CTNNA3: variants seen among roughly 807,000 people sequenced by gnomAD.
The protein encoded by CTNNA3 is catenin alpha-3.
CTNNA3 carries 76 observed loss-of-function variants against 95.7 expected under a neutral mutation model. That is an observed-to-expected ratio of 0.79 (90% confidence interval 0.66 to 0.96). CTNNA3 has a LOEUF of 0.96. CTNNA3 is among the 40% of genes least tolerant of loss of function. The probability of loss-of-function intolerance (pLI) is 0.00; values close to 1 mark genes in which losing one functional copy is unlikely to be tolerated. For synonymous variants in CTNNA3, 431 were observed against 374.4 expected (o/e 1.15, Z -1.74); for missense variants, 1,191 against 1,089.8 (o/e 1.09, Z -1.31).
intron 5 of CTNNA3, among the ~76,000 whole-genome samples, chr10:67,433,746 T>A (rs1846204745): frequency 6.6e-6 from 1 of 152,068 alleles, no homozygotes; most frequent in African/African-American, 2.4e-5. Flanking sequence ...AACAAGTGAA[T>A]AAACAAGTGA....
At chr10:66,154,719 CATATATATATATAT>C (rs569694429) in intron 13 of CTNNA3, among the ~76,000 whole-genome samples, 1 of 74,812 alleles carries the variant, frequency 1.3e-5, no homozygotes, top group African/African-American at 5.5e-5. Context: ...TGAAAAAGTT[CATATATATATATAT>C]ATATATATTT....
At chr10:66,789,014 C>T (rs1840860223) in intron 7 of CTNNA3, among the ~76,000 whole-genome samples, 1 of 152,094 alleles carries the variant, frequency 6.6e-6, no homozygotes, top group African/African-American at 2.4e-5. Flanking sequence ...AGAATCGTGT[C>T]TAATAAGCAC....
chr10:67,359,470 C>T (rs958917406), intron 5 of CTNNA3, among the ~76,000 whole-genome samples: 1 of 151,934 alleles, frequency 6.6e-6, no homozygotes, highest in Non-Finnish European at 1.5e-5. Flanking sequence ...AAGTTGAAAG[C>T]CAATCCAAGG....
chr10:66,875,450 T>A (rs1335374764), intron 7 of CTNNA3, among the ~76,000 whole-genome samples: 1 of 151,410 alleles, frequency 6.6e-6, no homozygotes, highest in Non-Finnish European at 1.5e-5. Flanking sequence ...AAAATATCAG[T>A]CAACCAGTTC....
chr10:66,292,907 T>C (rs539065736), intron 12 of CTNNA3, among the ~76,000 whole-genome samples: 1 of 152,170 alleles, frequency 6.6e-6, no homozygotes, highest in Non-Finnish European at 1.5e-5. Flanking sequence ...CCTATTATCC[T>C]CAAGATGCCT....
At chr10:67,287,584 T>A (rs1439047487) in intron 5 of CTNNA3, among the ~76,000 whole-genome samples, 2 of 152,162 alleles carry the variant, frequency 1.3e-5, no homozygotes, top group East Asian at 3.9e-4. Context: ...ATAGAAGGAT[T>A]TTTCTTCTTG....
chr10:67,610,841 T>C (rs1435426214), intron 2 of CTNNA3, among the ~76,000 whole-genome samples: 2 of 152,214 alleles, frequency 1.3e-5, no homozygotes, highest in African/African-American at 4.8e-5. Flanking sequence ...CCTTTTGCCA[T>C]AGATACAAAA....
At chr10:67,726,787 TATATG>T (rs1383888129) in intron 1 of CTNNA3, among the ~76,000 whole-genome samples, 10 of 10,738 alleles carry the variant, frequency 9.3e-4, no homozygotes, top group African/African-American at 3.3e-3. Flanking sequence ...TATATAAATA[TATATG>T]ATATTATATA....
At chr10:66,777,143 T>C (rs531954061) in intron 7 of CTNNA3, among the ~76,000 whole-genome samples, 2 of 152,290 alleles carry the variant, frequency 1.3e-5, no homozygotes, top group South Asian at 2.1e-4. Context: ...GTGTTACTGA[T>C]ATTTAAAGTG....
In CTNNA3 at chr10:65,913,447, T is replaced by C. The variant is rs562195420; in HGVS notation, c.*6883A>G. ...TGGAGGAGAAATTATTATGCTACCA[T>C]TTAGGTCTAAGGAAATTTTCTTTGG... is the stretch of plus-strand genomic sequence containing the variant. On this transcript the variant is annotated 3_prime_UTR_variant, in exon 18 of 18. Transcript: ENST00000433211. 1.3e-5 allele frequency: 2 copies of C among 152,134 alleles called. No individual in the cohort carries two copies. Among genetic ancestry groups the C allele is most frequent in the East Asian group, 3.9e-4 (2 of 5,188 alleles). 9.4% of individuals were successfully genotyped at this position (152,134 alleles called of 1,614,324 possible).
intron 1 of CTNNA3, among the ~76,000 whole-genome samples, chr10:67,694,608 T>C (rs2133595257): frequency 6.6e-6 from 1 of 152,280 alleles, no homozygotes; most frequent in African/African-American, 2.4e-5. Context: ...TTATATTCAT[T>C]CACTTGAACA....
intron 5 of CTNNA3, among the ~76,000 whole-genome samples, chr10:67,457,581 T>G (rs990480574): frequency 4.6e-5 from 7 of 152,230 alleles, no homozygotes; most frequent in Non-Finnish European, 1.0e-4. Context: ...CAAATTTGGC[T>G]GCTGAAAACA....
At chr10:67,054,078 C>T (rs113294260) in intron 7 of CTNNA3, among the ~76,000 whole-genome samples, 2,050 of 152,142 alleles carry the variant, frequency 0.013, 48 homozygotes, top group African/African-American at 0.047. Context: ...TAGTATTTAC[C>T]GTTTCAAAAG....
chr10:66,844,395 G>T (rs1843176869), intron 7 of CTNNA3, among the ~76,000 whole-genome samples: 1 of 152,136 alleles, frequency 6.6e-6, no homozygotes, highest in Non-Finnish European at 1.5e-5. Context: ...CCTATTGATT[G>T]GTGAGACTTG....
intron 13 of CTNNA3, among the ~76,000 whole-genome samples, chr10:66,169,688 T>A (rs1049604152): frequency 6.6e-6 from 1 of 152,168 alleles, no homozygotes; most frequent in Admixed American, 6.5e-5. Flanking sequence ...AAATCTATTA[T>A]TTGTTTATTT....
At chr10:67,108,266 CATG>C (rs1487612769) in intron 7 of CTNNA3, among the ~76,000 whole-genome samples, 1 of 152,030 alleles carries the variant, frequency 6.6e-6, no homozygotes, top group Non-Finnish European at 1.5e-5. Context: ...TAATCTGAAA[CATG>C]ATACATAAGA....
At chr10:66,271,120 G>T (rs2091272390) in intron 13 of CTNNA3, among the ~76,000 whole-genome samples, 1 of 152,104 alleles carries the variant, frequency 6.6e-6, no homozygotes, top group Non-Finnish European at 1.5e-5. Flanking sequence ...TTCCCTACCA[G>T]TATAGGACCT....
chr10:67,501,663 T>C (rs2133104470), intron 5 of CTNNA3, among the ~76,000 whole-genome samples: 1 of 152,316 alleles, frequency 6.6e-6, no homozygotes, highest in South Asian at 2.1e-4. Context: ...TGTTCATTCC[T>C]TTTCATTCTT....
intron 2 of CTNNA3, among the ~76,000 whole-genome samples, chr10:67,637,858 A>G (rs1462641286): frequency 6.6e-6 from 1 of 152,246 alleles, no homozygotes; most frequent in Non-Finnish European, 1.5e-5. Context: ...GAGCTCCTGA[A>G]GGAAGCACTA....
Sources: allele counts gnomAD v4.1 joint callset (sites outside exome capture counted in the v4.1 genomes callset), GRCh38; gene constraint gnomAD v4.1.1; transcripts MANE v1.5; gene names NCBI Gene and HGNC (gene_info 2026-07-23, HGNC 2026-07-21).